Variants in ATP7A observed in about 807,000 individuals in gnomAD.
ATP7A encodes copper-transporting ATPase 1.
In ATP7A, 7 loss-of-function variants were observed where a neutral mutation model predicts 83.5. That is an observed-to-expected ratio of 0.08 (90% CI 0.05 to 0.16). The LOEUF (loss-of-function observed/expected upper bound fraction) is 0.16, where lower values mean the gene tolerates loss of function less well. Among genes scored for constraint, ATP7A ranks in the 10% least tolerant of loss-of-function variants. ATP7A has a pLI of 1.00. For synonymous variants in ATP7A, 354 were observed against 395.2 expected (o/e 0.90, Z 1.24); for missense variants, 940 against 1,120.8 (o/e 0.84, Z 2.30).
At chrX:77,961,496 A>G (rs1396219126) in intron 1 of ATP7A, among the ~76,000 whole-genome samples, 2 of 112,059 alleles carry the variant, frequency 1.8e-5, no homozygotes, top group Non-Finnish European at 3.8e-5. Context: ...TAATCTTGCA[A>G]GATCAGCCCT....
At chrX:77,951,914 AT>A (rs1439101069) in intron 1 of ATP7A, among the ~76,000 whole-genome samples, 2 of 111,642 alleles carry the variant, frequency 1.8e-5, no homozygotes, top group African/African-American at 6.5e-5. Flanking sequence ...TTTTAGAGTA[AT>A]TTTAGGTCCA....
intron 1 of ATP7A, among the ~76,000 whole-genome samples, chrX:77,952,492 C>G (rs1248501109): frequency 8.9e-6 from 1 of 111,774 alleles, no homozygotes; most frequent in Non-Finnish European, 1.9e-5. Context: ...TATATATTAT[C>G]TGTATATCTT....
chrX:78,008,453 A>G (rs1557233980), intron 6 of ATP7A, among the ~76,000 whole-genome samples: 2 of 111,556 alleles, frequency 1.8e-5, no homozygotes, highest in Non-Finnish European at 1.9e-5. Flanking sequence ...TTAGACATAC[A>G]AAGTCAAAAC....
At chrX:78,031,643 A>C (rs1557237103) in intron 16 of ATP7A, 61 bp downstream of exon 16, 5 of 1,108,696 alleles carry the variant, frequency 4.5e-6, no homozygotes, top group Admixed American at 4.4e-5. Flanking sequence ...CCCCGGATCA[A>C]ATCTAGTCTG....
chrX:78,000,790 T>G (rs1268282063), intron 5 of ATP7A, among the ~76,000 whole-genome samples: 1 of 109,553 alleles, frequency 9.1e-6, no homozygotes, highest in Non-Finnish European at 1.9e-5. Context: ...TTAGCCTCCC[T>G]AGTAGCTGGG....
At chrX:78,002,188 G>C (rs1014387241) in intron 5 of ATP7A, among the ~76,000 whole-genome samples, 3 of 107,931 alleles carry the variant, frequency 2.8e-5, no homozygotes, top group African/African-American at 1.0e-4. Flanking sequence ...TCCCACCTCA[G>C]CTTCCTGAGT....
rs781970260 is a variant in ATP7A, at chrX:78,046,313, G to A, written c.4246G>A (p.Glu1416Lys). 3.4e-5 allele frequency: 41 copies of A among 1,210,064 alleles called. No homozygotes were observed. In the East Asian group the frequency reaches 5.9e-4, roughly 17 times the overall value. Residue 1416 changes from glutamate (E) to lysine (K), a missense_variant, in exon 23 of 23, where the codon GAG (glutamate) becomes AAG (lysine). This residue lies in a region of ATP7A where 386 missense variants were observed against 502.2 expected (regional missense o/e 0.77). Transcript: ENST00000341514. ...GTCCAGTTACAGGAAACCAACTTACGAGAGTTATGAACTGCCTGCCCGGAG... is the reference window on the plus strand; with the variant it reads ...GTCCAGTTACAGGAAACCAACTTACAAGAGTTATGAACTGCCTGCCCGGAG... ...FLKLYRKPTYESYELPARSQI... is the reference protein window; with the variant it reads ...FLKLYRKPTYKSYELPARSQI...
At chrX:77,915,865 C>T (rs947591440) in intron 1 of ATP7A, among the ~76,000 whole-genome samples, 3 of 111,608 alleles carry the variant, frequency 2.7e-5, no homozygotes, top group South Asian at 3.7e-4. Context: ...GGGTTACAGG[C>T]GTGTGCCACC....
intron 10 of ATP7A, 58 bp downstream of exon 10, chrX:78,013,170 T>C: frequency 9.8e-7 from 1 of 1,016,493 alleles, no homozygotes. Context: ...GACCTTAGTA[T>C]TTTTTAGGCC....
Position 77,989,346 on chromosome X carries a change from C to T in ATP7A, c.724C>T (p.Pro242Ser). ...CTTTCCAGCATTTGTCAAAAAGCAG[C>T]CCAAGTACCTCAAATTGGGAGCTAT... ...MGFPAFVKKQ[P>S]KYLKLGAIDV... is the part of the protein sequence containing the mutation. Residue 242 changes from proline to serine, a missense_variant, in exon 4 of 23, where the codon CCC becomes TCC. Pro to Ser is a moderately conservative substitution (Grantham distance 74). Coordinates refer to ENST00000341514, the MANE Select transcript of ATP7A (RefSeq NM_000052.7). The T allele has an allele frequency of 1.7e-6, 2 of 1,211,315 alleles. No homozygotes were observed. The highest frequency in any genetic ancestry group is 3.5e-5 in the South Asian group (2 of 56,958).
At chrX:78,011,086 T>A in intron 7 of ATP7A, 90 bp from the exon 8 acceptor site, 1 of 810,903 alleles carries the variant, frequency 1.2e-6, no homozygotes, top group East Asian at 3.2e-5. Flanking sequence ...GTAATTGAAC[T>A]GTTCTTAATG....
At chrX:77,941,748 T>C (rs907951211) in intron 1 of ATP7A, among the ~76,000 whole-genome samples, 2 of 112,047 alleles carry the variant, frequency 1.8e-5, no homozygotes, top group Non-Finnish European at 3.8e-5. Flanking sequence ...CCATTTTTTT[T>C]CCCAGTTATC....
intron 17 of ATP7A, among the ~76,000 whole-genome samples, chrX:78,038,131 G>T (rs2149109298): frequency 9.3e-6 from 1 of 107,675 alleles, no homozygotes; most frequent in South Asian, 4.1e-4. Flanking sequence ...AGAAAGGTTG[G>T]CCTTAAATTA....
chrX:77,933,030 T>A (rs965377114), intron 1 of ATP7A, among the ~76,000 whole-genome samples: 1 of 111,803 alleles, frequency 8.9e-6, no homozygotes, highest in Admixed American at 9.5e-5. Context: ...GTTTATTAGG[T>A]GCCTACTCTG....
In ATP7A at chrX:78,020,252, A is replaced by G; in HGVS notation, c.2635A>G (p.Met879Val). ...CTTTACTCTCCATACAGGGGAGGCA[A>G]TGCCTGTGGCTAAGAAACCTGGCAG... ...VDESLITGEA[M>V]PVAKKPGSTV... The change falls in exon 13 of 23, where the codon ATG becomes GTG. Residue 879 changes from methionine (M) to valine (V), a missense_variant. Physicochemically the swap from Met to Val is conservative, Grantham distance 21. Transcript: ENST00000341514. The G allele has an allele frequency of 8.3e-7, 1 of 1,211,525 alleles. No individual in the cohort carries two copies. The highest frequency in any genetic ancestry group is 1.1e-6 in the Non-Finnish European group (1 of 895,146).
chrX:77,998,729 G>C (rs2077720566), intron 5 of ATP7A, 45 bp downstream of exon 5: 2 of 1,151,820 alleles, frequency 1.7e-6, no homozygotes, highest in African/African-American at 1.8e-5. Context: ...TAGTTTGGGA[G>C]CTCCATCTTT....
At chrX:77,999,058 G>A (rs928436398) in intron 5 of ATP7A, among the ~76,000 whole-genome samples, 24 of 106,526 alleles carry the variant, frequency 2.3e-4, no homozygotes, top group Non-Finnish European at 4.1e-4. Flanking sequence ...GTGGAGTGGC[G>A]CGATCTCGGC....
At chrX:78,030,786 A>G (rs2077978597) in intron 15 of ATP7A, among the ~76,000 whole-genome samples, 1 of 106,736 alleles carries the variant, frequency 9.4e-6, no homozygotes, top group Non-Finnish European at 1.9e-5. Flanking sequence ...CCACCCACCA[A>G]GTTCCAGCGA....
At chrX:77,914,394 G>A (rs185208031) in intron 1 of ATP7A, among the ~76,000 whole-genome samples, 47 of 110,827 alleles carry the variant, frequency 4.2e-4, no homozygotes, top group African/African-American at 1.4e-3. Flanking sequence ...GGGACTATAG[G>A]TGTGTGCCAC....
Sources: allele counts gnomAD v4.1 joint callset (sites outside exome capture counted in the v4.1 genomes callset), GRCh38; gene constraint gnomAD v4.1.1; regional missense constraint gnomAD v4.1.1; transcripts MANE v1.5; gene names NCBI Gene and HGNC (gene_info 2026-07-23, HGNC 2026-07-21).